Variants in RANBP17 observed in about 807,000 individuals in gnomAD.
The protein encoded by RANBP17 is ran-binding protein 17.
RANBP17 carries 158 observed loss-of-function variants against 141.2 expected under a neutral mutation model. That is an observed-to-expected ratio of 1.12 (90% CI 0.98 to 1.28). The LOEUF (loss-of-function observed/expected upper bound fraction) is 1.28. Ranked by LOEUF, RANBP17 falls within the 50% of genes most tolerant of loss-of-function variation. The pLI, the probability that RANBP17 is intolerant of heterozygous loss-of-function variation, is 0.00. For synonymous variants in RANBP17, 430 were observed against 450.0 expected (o/e 0.96, Z 0.56); for missense variants, 1,438 against 1,290.7 (o/e 1.11, Z -1.75).
chr5:171,017,547 G>A (rs1561991952), intron 14 of RANBP17, among the ~76,000 whole-genome samples: 1 of 152,142 alleles, frequency 6.6e-6, no homozygotes, highest in Non-Finnish European at 1.5e-5. Flanking sequence ...CTGGATAAAT[G>A]TCTTCTTTTG....
At chr5:171,103,452 C>T (rs1048419938) in intron 14 of RANBP17, among the ~76,000 whole-genome samples, 1 of 152,134 alleles carries the variant, frequency 6.6e-6, no homozygotes, top group South Asian at 2.1e-4. Flanking sequence ...CCCCTCCCCC[C>T]ACAAAGCTCA....
At chr5:170,921,205 AG>A (rs1173660872) in intron 11 of RANBP17, among the ~76,000 whole-genome samples, 1 of 152,136 alleles carries the variant, frequency 6.6e-6, no homozygotes, top group East Asian at 1.9e-4. Flanking sequence ...GTTTTCTGCT[AG>A]GGTTTTTATG....
At chr5:171,201,456 A>G (rs549916612) in intron 19 of RANBP17, among the ~76,000 whole-genome samples, 1 of 152,356 alleles carries the variant, frequency 6.6e-6, no homozygotes, top group Admixed American at 6.5e-5. Flanking sequence ...TGCAGCTGCC[A>G]CGAACCAAGG....
At chr5:170,900,392 T>C (rs534141084) in intron 5 of RANBP17, among the ~76,000 whole-genome samples, 1 of 152,282 alleles carries the variant, frequency 6.6e-6, no homozygotes, top group South Asian at 2.1e-4. Context: ...GTCTATTTGA[T>C]TCTTCTCTCT....
chr5:170,924,020 C>CA (rs1772701491), intron 11 of RANBP17, among the ~76,000 whole-genome samples: 1 of 149,126 alleles, frequency 6.7e-6, no homozygotes. Flanking sequence ...TTTTTAGAGA[C>CA]AGAGTCTCGC....
intron 7 of RANBP17, 26 bp downstream of exon 7, chr5:170,911,160 G>T: frequency 6.2e-7 from 1 of 1,602,150 alleles, no homozygotes; most frequent in Non-Finnish European, 8.5e-7. Context: ...GGTATGAAGG[G>T]TCATCAACAT....
intron 3 of RANBP17, among the ~76,000 whole-genome samples, chr5:170,883,120 A>G (rs943598025): frequency 2.0e-5 from 3 of 152,216 alleles, no homozygotes; most frequent in African/African-American, 7.2e-5. Context: ...TACTGCAGAA[A>G]GCCTTGAGAA....
rs184265848 is a variant in RANBP17 at position 171,178,864 on chromosome 5, G to A, written c.1866-4303G>A. ...CTATCCGTCGCCCACTTTTTGATGGGGTTGTTTGTTTTTTTCTTGTAAATT... is the reference window on the plus strand; with the variant it reads ...CTATCCGTCGCCCACTTTTTGATGGAGTTGTTTGTTTTTTTCTTGTAAATT... On this transcript the variant is annotated intron_variant, in intron 16 of 27. Coordinates refer to ENST00000523189, the MANE Select transcript of RANBP17 (RefSeq NM_022897.5). Among the ~76,000 whole-genome samples the A allele has an allele frequency of 4.0e-3, 612 of 152,118 alleles. 4 individuals are homozygous for A. The highest frequency in any genetic ancestry group is 0.014 in the African/African-American group (588 of 41,500).
At chr5:171,039,089 A>G (rs2127631453) in intron 14 of RANBP17, among the ~76,000 whole-genome samples, 1 of 152,190 alleles carries the variant, frequency 6.6e-6, no homozygotes, top group East Asian at 1.9e-4. Flanking sequence ...TTGGTTATAT[A>G]CCCAGTAATG....
At chr5:170,878,762 G>C (rs1389950667) in intron 2 of RANBP17, among the ~76,000 whole-genome samples, 1 of 152,102 alleles carries the variant, frequency 6.6e-6, no homozygotes, top group African/African-American at 2.4e-5. Flanking sequence ...AGTTTGTTTA[G>C]TTGGAGAGGT....
At position 171,293,987 on chromosome 5, in the gene RANBP17, T is replaced by C; in HGVS notation, c.3042+6T>C. On this transcript the variant is annotated splice_donor_region_variant and intron_variant, in intron 26 of 27. Coordinates refer to ENST00000523189, the MANE Select transcript of RANBP17 (RefSeq NM_022897.5). ...TCATCCTGCTCAATGAGAAGGTGAG[T>C]GTGATTGCAGGAAGTCACGGGAGGT... 3.7e-6 allele frequency: 6 copies of C among 1,606,598 alleles called. No individual in the cohort carries two copies. The highest frequency in any genetic ancestry group is 5.1e-6 in the Non-Finnish European group (6 of 1,173,350).
intron 8 of RANBP17, among the ~76,000 whole-genome samples, chr5:170,914,916 C>T (rs1459387594): frequency 6.6e-6 from 1 of 152,110 alleles, no homozygotes; most frequent in Non-Finnish European, 1.5e-5. Context: ...TTCTGAAAAA[C>T]ATATTGCATA....
rs70982330 is a variant in RANBP17 at position 171,277,637 on chromosome 5, G to GTATATATATATATATATA, written c.2943+11804_2943+11821dup. On this transcript the variant is annotated intron_variant, in intron 25 of 27. Transcript: ENST00000523189. ...GTGCCTTACGTATACATATATGTAT[G>GTATATATATATATATATA]TATATATATATATATATATATATAT... Among the ~76,000 whole-genome samples the GTATATATATATATATATA allele has an allele frequency of 3.4e-3, 191 of 56,842 alleles. 6 individuals are homozygous for GTATATATATATATATATA. The highest frequency in any genetic ancestry group is 0.011 in the East Asian group (13 of 1,138). 37.3% of individuals were successfully genotyped at this position (56,842 alleles called of 152,430 possible).
rs9313533 is a variant in RANBP17 at position 170,959,065 on chromosome 5, G to A, written c.1574+5363G>A. Reference sequence around the variant, plus strand: ...CCACATGCTTAGCGTTCCAATAATGGAACACTAGGCATAAATGTAATCCAC... The same window carrying A: ...CCACATGCTTAGCGTTCCAATAATGAAACACTAGGCATAAATGTAATCCAC... On this transcript the variant is annotated intron_variant, in intron 13 of 27. Coordinates refer to ENST00000523189, the MANE Select transcript of RANBP17 (RefSeq NM_022897.5). Among the ~76,000 whole-genome samples, 1,181 of 152,202 alleles carry A rather than the reference G, an allele frequency of 7.8e-3. 14 individuals carry two copies. Among genetic ancestry groups the A allele is most frequent in the African/African-American group, 0.023 (946 of 41,500 alleles).
At chr5:171,053,160 A>G (rs534794298) in intron 14 of RANBP17, among the ~76,000 whole-genome samples, 2 of 151,446 alleles carry the variant, frequency 1.3e-5, no homozygotes, top group East Asian at 3.9e-4. Context: ...ATTTCTTTCA[A>G]CAATGCCTTA....
At position 170,883,739 on chromosome 5, in the gene RANBP17, G is replaced by A. The variant is rs150209677; in HGVS notation, c.256+1843G>A. Among the ~76,000 whole-genome samples, 618 of 152,166 alleles carry A rather than the reference G, an allele frequency of 4.1e-3. 5 individuals are homozygous for A. Among genetic ancestry groups the A allele is most frequent in the African/African-American group, 0.014 (596 of 41,502 alleles). ...TTTTCACATTGGCTTCTTTCACTTA[G>A]TAATATGCATTTAAGGTTCCTCCAT... On this transcript the variant is annotated intron_variant, in intron 3 of 27. Transcript: ENST00000523189.
At chr5:171,054,199 C>T (rs979666852) in intron 14 of RANBP17, among the ~76,000 whole-genome samples, 9 of 151,622 alleles carry the variant, frequency 5.9e-5, no homozygotes, top group African/African-American at 1.9e-4. Context: ...GTTTTGTTTT[C>T]GGGGGTTTTT....
chr5:171,295,037 T>G (rs1222163263), intron 26 of RANBP17, among the ~76,000 whole-genome samples: 1 of 152,230 alleles, frequency 6.6e-6, no homozygotes, highest in Non-Finnish European at 1.5e-5. Flanking sequence ...ATATATAGTA[T>G]TTAAGTATTA....
At chr5:171,006,839 G>C (rs1405263226) in intron 14 of RANBP17, among the ~76,000 whole-genome samples, 2 of 152,084 alleles carry the variant, frequency 1.3e-5, no homozygotes, top group Non-Finnish European at 2.9e-5. Flanking sequence ...CATGAACTGG[G>C]CTGGGTTTTC....
Sources: allele counts gnomAD v4.1 joint callset (sites outside exome capture counted in the v4.1 genomes callset), GRCh38; gene constraint gnomAD v4.1.1; transcripts MANE v1.5; gene names NCBI Gene and HGNC (gene_info 2026-07-23, HGNC 2026-07-21).